Variants in ATXN2 observed in about 807,000 individuals in gnomAD.
ATXN2 encodes the protein ataxin-2.
ATXN2 carries 37 observed loss-of-function variants against 138.6 expected under a neutral mutation model. The ratio of observed to expected loss-of-function variants is 0.27; its 90% CI spans 0.21 to 0.35. ATXN2 has a LOEUF of 0.35. ATXN2 is among the 10% of genes least tolerant of loss of function. The probability of loss-of-function intolerance (pLI) is 1.00; values close to 1 mark genes in which losing one functional copy is unlikely to be tolerated. For synonymous variants in ATXN2, 549 were observed against 543.7 expected, an observed-to-expected ratio of 1.01 and a Z score of -0.13; for missense variants, 1,216 against 1,480.3, an observed-to-expected ratio of 0.82 and a Z score of 2.93.
At position 111,509,558 on chromosome 12, in the gene ATXN2, A is replaced by G; in HGVS notation, c.1926T>C (p.Asn642=). Residue 642 remains asparagine, a synonymous_variant, in exon 14 of 25, where the codon AAT becomes AAC. Coordinates refer to ENST00000673436, the MANE Select transcript of ATXN2 (RefSeq NM_001372574.1). ...KQIDDLKKFK[N]DFRLQPSSTS... ...TTAGTACAATACTTACCCTAAAATC[A>G]TTCTTAAATTTCTTTAAATCATCAA... 1 of 1,454,914 alleles carries G rather than the reference A, an allele frequency of 6.9e-7. No homozygotes were observed. Among genetic ancestry groups the G allele is most frequent in the South Asian group, 1.2e-5 (1 of 83,036 alleles). The allele number at this position is 1,454,914 out of a possible 1,614,324, so 90.1% of individuals were successfully genotyped here.
At chr12:111,500,497 T>G (rs1358930612) in intron 14 of ATXN2, among the ~76,000 whole-genome samples, 2 of 152,098 alleles carry the variant, frequency 1.3e-5, no homozygotes. Flanking sequence ...AGGTGATTAG[T>G]GGGTGCAAAG....
intron 18 of ATXN2, 174 bp downstream of exon 18, chr12:111,485,091 G>T: frequency 7.0e-6 from 4 of 569,542 alleles, no homozygotes; most frequent in Non-Finnish European, 1.2e-5. Context: ...TTTCTCCCCT[G>T]TTTTTCTTCA....
intron 18 of ATXN2, 119 bp downstream of exon 18, chr12:111,485,146 A>G: frequency 2.3e-6 from 2 of 853,850 alleles, no homozygotes; most frequent in Non-Finnish European, 3.7e-6. Flanking sequence ...ATCAAAAGCC[A>G]ATGCATAGCC....
chr12:111,519,273 C>T (rs1282221246), intron 8 of ATXN2, among the ~76,000 whole-genome samples: 1 of 152,150 alleles, frequency 6.6e-6, no homozygotes, highest in African/African-American at 2.4e-5. Context: ...ATGCCAAGTC[C>T]TTTAATGACC....
At chr12:111,542,301 G>A (rs1231148686) in intron 5 of ATXN2, among the ~76,000 whole-genome samples, 1 of 152,046 alleles carries the variant, frequency 6.6e-6, no homozygotes, top group East Asian at 1.9e-4. Flanking sequence ...CACCATCTCG[G>A]CTCATTGCAA....
intron 6 of ATXN2, among the ~76,000 whole-genome samples, chr12:111,523,818 T>C (rs1880327880): frequency 6.6e-6 from 1 of 151,502 alleles, no homozygotes; most frequent in South Asian, 2.1e-4. Flanking sequence ...ATCCCAGCAC[T>C]TTGGGAGGCT....
At chr12:111,470,302 T>C (rs1876321207) in intron 19 of ATXN2, 62 bp from the exon 20 acceptor site, 4 of 1,559,902 alleles carry the variant, frequency 2.6e-6, no homozygotes, top group Admixed American at 1.9e-5. Flanking sequence ...AAGCAGACTT[T>C]AGTTAAGATT....
intron 1 of ATXN2, chr12:111,581,800 C>T: frequency 2.0e-6 from 1 of 504,602 alleles, no homozygotes; most frequent in Non-Finnish European, 3.7e-6. Flanking sequence ...ATTATCTAGG[C>T]CAGGAGCTCT....
At chr12:111,488,953 A>AT (rs1338950474) in intron 14 of ATXN2, among the ~76,000 whole-genome samples, 173 bp from the exon 15 acceptor site, 6 of 152,190 alleles carry the variant, frequency 3.9e-5, no homozygotes, top group African/African-American at 1.4e-4. Context: ...CAGAGTACCT[A>AT]TATAGCACAA....
At chr12:111,532,528 C>T (rs1880893310) in intron 5 of ATXN2, among the ~76,000 whole-genome samples, 1 of 152,000 alleles carries the variant, frequency 6.6e-6, no homozygotes, top group African/African-American at 2.4e-5. Flanking sequence ...TAACATCAAG[C>T]GATATGAAAT....
At chr12:111,547,836 ATTT>A (rs34988312) in intron 5 of ATXN2, among the ~76,000 whole-genome samples, 6 of 100,218 alleles carry the variant, frequency 6.0e-5, no homozygotes, top group Non-Finnish European at 9.3e-5. Context: ...TTGCTTGAGA[ATTT>A]TTTTTTTTTT....
intron 5 of ATXN2, among the ~76,000 whole-genome samples, chr12:111,535,808 G>T (rs1321061085): frequency 6.6e-6 from 1 of 151,636 alleles, no homozygotes; most frequent in African/African-American, 2.4e-5. Flanking sequence ...AGACCATCCC[G>T]GCTAAAACGG....
rs10632970 is a variant in ATXN2 at position 111,572,011 on chromosome 12, C to CAAAA, written c.252-16096_252-16093dup. Among the ~76,000 whole-genome samples, 353 of 89,630 alleles carry CAAAA rather than the reference C, an allele frequency of 3.9e-3. 5 individuals carry two copies. The highest frequency in any genetic ancestry group is 0.02 in the East Asian group (52 of 2,666). The allele number at this position is 89,630 out of a possible 152,430, so 58.8% of individuals were successfully genotyped here. ...TGAGCAACACAGCAAGACTCTGTCTCAAAAAAAAAAAAAAAGGGGCTTTTA... is the reference window on the plus strand; with the variant it reads ...TGAGCAACACAGCAAGACTCTGTCTCAAAAAAAAAAAAAAAAAAAGGGGCTTTTA... On this transcript the variant is annotated intron_variant, in intron 1 of 24. Coordinates refer to ENST00000673436, the MANE Select transcript of ATXN2 (RefSeq NM_001372574.1).
At chr12:111,555,850 T>C in intron 2 of ATXN2, 33 bp downstream of exon 2, 1 of 1,563,818 alleles carries the variant, frequency 6.4e-7, no homozygotes, top group Non-Finnish European at 8.7e-7. Context: ...TAGCTACTAA[T>C]TTTCCCCAAT....
chr12:111,508,507 T>C (rs1340542084), intron 14 of ATXN2, among the ~76,000 whole-genome samples: 1 of 136,478 alleles, frequency 7.3e-6, no homozygotes, highest in Non-Finnish European at 1.5e-5. Context: ...AGTGGAGTGG[T>C]GTGATCTCGG....
In ATXN2 at chr12:111,573,442, C is replaced by G. The variant is rs1297428696; in HGVS notation, c.252-17523G>C. Among the ~76,000 whole-genome samples, 2 of 152,166 alleles carry G rather than the reference C, an allele frequency of 1.3e-5. 1 individual carries two copies. The highest frequency in any genetic ancestry group is 4.1e-4 in the South Asian group (2 of 4,826). On this transcript the variant is annotated intron_variant, in intron 1 of 24. Coordinates refer to ENST00000673436, the MANE Select transcript of ATXN2 (RefSeq NM_001372574.1). Reference sequence around the variant, plus strand: ...AATTCCTGACCTCAGGCGATCCACACGCCTCGGCCTCCCAAACTGCTGGGA... The same window carrying G: ...AATTCCTGACCTCAGGCGATCCACAGGCCTCGGCCTCCCAAACTGCTGGGA...
At chr12:111,597,874 C>A in intron 1 of ATXN2, 1 of 1,288,762 alleles carries the variant, frequency 7.8e-7, no homozygotes, top group Non-Finnish European at 1.0e-6. Flanking sequence ...GCACCGCCAC[C>A]CCGGATCTCC....
chr12:111,549,584 T>C (rs1882012469), intron 5 of ATXN2, among the ~76,000 whole-genome samples: 1 of 152,036 alleles, frequency 6.6e-6, no homozygotes, highest in South Asian at 2.1e-4. Flanking sequence ...AATTCTAAAA[T>C]GGTTTTCTCC....
At chr12:111,581,332 G>A (rs1830238916) in intron 1 of ATXN2, 2 of 545,746 alleles carry the variant, frequency 3.7e-6, no homozygotes, top group African/African-American at 1.9e-5. Flanking sequence ...GGGGCCCACT[G>A]AGAACCACCC....
Sources: gnomAD v4.1 joint callset for allele counts (sites outside exome capture counted in the v4.1 genomes callset) on GRCh38, gnomAD v4.1.1 for gene constraint, MANE v1.5 for transcripts, NCBI Gene and HGNC (gene_info 2026-07-23, HGNC 2026-07-21) for gene names.